The following TMC3 variants were observed in gnomAD, a reference collection of about 807,000 sequenced individuals.
TMC3 encodes the protein transmembrane channel like 3.
In TMC3, 98 loss-of-function variants were observed where a neutral mutation model predicts 110.6. That is an observed-to-expected ratio of 0.89 (90% confidence interval 0.75 to 1.05). The LOEUF is 1.05. Among genes scored for constraint, TMC3 ranks in the 50% least tolerant of loss-of-function variants. The pLI is 0.00. For synonymous variants in TMC3, 489 were observed against 513.1 expected (o/e 0.95, Z 0.63); for missense variants, 1,319 against 1,373.2 (o/e 0.96, Z 0.62).
intron 3 of TMC3, among the ~76,000 whole-genome samples, chr15:81,362,986 G>A (rs899176211): frequency 2.0e-5 from 3 of 152,178 alleles, no homozygotes; most frequent in Admixed American, 1.3e-4. Context: ...GGCCAGGCGC[G>A]GTGGCTCACG....
chr15:81,341,322 T>G, intron 16 of TMC3, 68 bp downstream of exon 16: 1 of 1,476,946 alleles, frequency 6.8e-7, no homozygotes, highest in Non-Finnish European at 9.1e-7. Context: ...GACCCCTGGG[T>G]AAGGCAGGCA....
chr15:81,351,009 G>C (rs932161340), intron 10 of TMC3, among the ~76,000 whole-genome samples: 2 of 152,202 alleles, frequency 1.3e-5, no homozygotes, highest in Non-Finnish European at 2.9e-5. Context: ...ATGACACCTG[G>C]TCAACTTTAA....
intron 19 of TMC3, among the ~76,000 whole-genome samples, chr15:81,337,432 G>C (rs573865408): frequency 3.3e-5 from 5 of 152,190 alleles, no homozygotes; most frequent in Non-Finnish European, 7.4e-5. Flanking sequence ...GGATATGAAA[G>C]AGGTGAGGCT....
intron 17 of TMC3, 114 bp downstream of exon 17, chr15:81,339,280 A>G (rs1346618958): frequency 6.2e-6 from 5 of 812,246 alleles, no homozygotes; most frequent in African/African-American, 3.4e-5. Flanking sequence ...GCGGGTTTGC[A>G]ATCTTTCTAT....
intron 2 of TMC3, among the ~76,000 whole-genome samples, chr15:81,372,036 T>G (rs1389789500): frequency 6.6e-6 from 1 of 152,206 alleles, no homozygotes; most frequent in African/African-American, 2.4e-5. Context: ...TTTTAAATCT[T>G]TAGCACTTTA....
At chr15:81,355,893 A>G (rs571296147) in intron 8 of TMC3, 125 bp from the exon 9 acceptor site, 3 of 604,552 alleles carry the variant, frequency 5.0e-6, no homozygotes, top group African/African-American at 3.8e-5. Flanking sequence ...TGTAGGATTC[A>G]ATTGATATAA....
rs750350189 is a variant in TMC3, at chr15:81,332,039, T to G, written c.*380A>C. On this transcript the variant is annotated 3_prime_UTR_variant, in exon 22 of 22. Coordinates refer to ENST00000359440, the MANE Select transcript of TMC3 (RefSeq NM_001080532.3). ...CCTCTACTAAGTATGTTTTACGTTC[T>G]TTCATTCCTGCTTTAAAGCTTTTCA... 1.2e-4 allele frequency: 21 copies of G among 180,638 alleles called. No individual in the cohort carries two copies. Among genetic ancestry groups the G allele is most frequent in the Non-Finnish European group, 2.2e-4 (19 of 86,522 alleles). 11.2% of individuals were successfully genotyped at this position (180,638 alleles called of 1,614,324 possible). A position where few individuals can be genotyped will look rare whatever the true frequency, so the allele number is the denominator to read the frequency against.
intron 2 of TMC3, among the ~76,000 whole-genome samples, chr15:81,370,676 ATTTCT>A (rs1025204025): frequency 2.1e-5 from 3 of 141,252 alleles, no homozygotes; most frequent in African/African-American, 5.9e-5. Flanking sequence ...AATAGAAACT[ATTTCT>A]TTTTTTTTTT....
At position 81,351,675 on chromosome 15, in the gene TMC3, A is replaced by G. The variant is rs1403905882; in HGVS notation, c.1083+19T>C. 1 of 1,551,870 alleles carries G rather than the reference A, an allele frequency of 6.4e-7. No individual in the cohort carries two copies. The highest frequency in any genetic ancestry group is 1.4e-5 in the African/African-American group (1 of 72,994). On this transcript the variant is annotated intron_variant, in intron 10 of 21. Transcript: ENST00000359440. Reference sequence around the variant, plus strand: ...CTATGTCTCTTTTCTAGGGTGCTGCAGGTAATGGCAGTGGGTACCTCATTC... The same window carrying G: ...CTATGTCTCTTTTCTAGGGTGCTGCGGGTAATGGCAGTGGGTACCTCATTC...
In TMC3 at chr15:81,332,341, C is replaced by T. The variant is rs1451362693; in HGVS notation, c.*78G>A. 1 of 1,479,386 alleles carries T rather than the reference C, an allele frequency of 6.8e-7. No homozygotes were observed. Among genetic ancestry groups the T allele is most frequent in the Non-Finnish European group, 9.0e-7 (1 of 1,114,242 alleles). 91.6% of individuals were successfully genotyped at this position (1,479,386 alleles called of 1,614,324 possible). ...CTAACACACTTGTTCACCTCTTTTT[C>T]CAGAAAGGGAGATGCCATGTGCTGG... On this transcript the variant is annotated 3_prime_UTR_variant, in exon 22 of 22. Coordinates refer to ENST00000359440, the MANE Select transcript of TMC3 (RefSeq NM_001080532.3).
At chr15:81,349,870 T>C (rs765675152) in intron 10 of TMC3, among the ~76,000 whole-genome samples, 1 of 150,424 alleles carries the variant, frequency 6.6e-6, no homozygotes, top group African/African-American at 2.5e-5. Flanking sequence ...TCCCAACACT[T>C]TGGGAGGCTT....
chr15:81,358,220 G>A lies in TMC3; in HGVS notation c.672C>T (p.Tyr224=), dbSNP rs997745831. 10 of 1,613,328 alleles carry A rather than the reference G, an allele frequency of 6.2e-6. No homozygotes were observed. Among genetic ancestry groups the A allele is most frequent in the Admixed American group, 1.7e-5 (1 of 59,890 alleles). The change falls in exon 7 of 22, where the codon TAC becomes TAT. Residue 224 remains tyrosine, a synonymous_variant. Transcript: ENST00000359440. The part of the protein sequence containing the change: ...GRERKIGRAG[Y]RLPLAYFLVG... ...CTAGGAAATACGCCAAGGGCAGCCG[G>A]TAGCCAGCTCTCCCGATCTTCCTCT...
chr15:81,332,755 C>A lies in TMC3; in HGVS notation c.2967G>T (p.Gly989=). ...ESQTRDPEHQ[G]RVHYKSWNED... Reference sequence around the variant, plus strand: ...CATTCCACGACTTGTAGTGCACCCTCCCCTGGTGCTCGGGATCCCGGGTCT... The same window carrying A: ...CATTCCACGACTTGTAGTGCACCCTACCCTGGTGCTCGGGATCCCGGGTCT... The change falls in exon 22 of 22, where the codon GGG becomes GGT. Residue 989 remains glycine (G), a synonymous_variant. Coordinates refer to ENST00000359440, the MANE Select transcript of TMC3 (RefSeq NM_001080532.3). The A allele has an allele frequency of 6.2e-7, 1 of 1,613,058 alleles. No individual in the cohort carries two copies. Among genetic ancestry groups the A allele is most frequent in the Non-Finnish European group, 8.5e-7 (1 of 1,179,580 alleles).
intron 4 of TMC3, 42 bp downstream of exon 4, chr15:81,362,178 A>G: frequency 7.8e-6 from 12 of 1,530,312 alleles, no homozygotes; most frequent in Non-Finnish European, 1.1e-5. Context: ...ACTGGCCACT[A>G]GCATTGCATT....
intron 15 of TMC3, 96 bp downstream of exon 15, chr15:81,343,182 A>T: frequency 1.5e-6 from 1 of 663,712 alleles, no homozygotes; most frequent in Non-Finnish European, 2.7e-6. Context: ...ATGCTTATGT[A>T]ACTGTGTTAT....
intron 5 of TMC3, among the ~76,000 whole-genome samples, chr15:81,358,937 A>G (rs1894126310): frequency 6.6e-6 from 1 of 152,204 alleles, no homozygotes. Flanking sequence ...TATTATTTCA[A>G]CTTTGGGCTG....
intron 9 of TMC3, among the ~76,000 whole-genome samples, chr15:81,353,364 G>C (rs1229699749): frequency 6.6e-6 from 1 of 152,182 alleles, no homozygotes; most frequent in Admixed American, 6.5e-5. Flanking sequence ...TAAATGTACA[G>C]TGTTTATAAA....
Position 81,333,209 on chromosome 15 carries a change from C to T in TMC3, c.2513G>A (p.Arg838His). The T allele has an allele frequency of 5.6e-6, 9 of 1,613,786 alleles. No individual in the cohort carries two copies. The highest frequency in any genetic ancestry group is 1.7e-4 in the Middle Eastern group (1 of 6,060). ...GTGCGTTGTAAATGTCATAGGTGTGCGCGATCTGTTCCTGTGAAGGTCACT... is the reference window on the plus strand; with the variant it reads ...GTGCGTTGTAAATGTCATAGGTGTGTGCGATCTGTTCCTGTGAAGGTCACT... ...STSDLHRNRS[R>H]TPMTFTTHIE... Residue 838 changes from arginine to histidine, a missense_variant, in exon 22 of 22, where the codon CGC (arginine) becomes CAC (histidine). Physicochemically the swap from Arg to His is conservative, Grantham distance 29. Transcript: ENST00000359440.
chr15:81,368,034 A>G (rs1488425281), intron 3 of TMC3, among the ~76,000 whole-genome samples: 2 of 152,116 alleles, frequency 1.3e-5, no homozygotes, highest in East Asian at 3.9e-4. Context: ...TCCCAGGCTC[A>G]AGCGATTCTC....
Sources: allele counts gnomAD v4.1 joint callset (sites outside exome capture counted in the v4.1 genomes callset), GRCh38; gene constraint gnomAD v4.1.1; transcripts MANE v1.5; gene names NCBI Gene and HGNC (gene_info 2026-07-23, HGNC 2026-07-21).